The following KCND2 variants were observed in gnomAD, a reference collection of about 807,000 sequenced individuals.
The protein encoded by KCND2 is A-type voltage-gated potassium channel KCND2.
KCND2 carries 16 observed loss-of-function variants against 54.4 expected under a neutral mutation model. The observed-to-expected ratio is 0.29, with a 90% CI of 0.20 to 0.45. KCND2 has a LOEUF of 0.45. KCND2 is among the 20% of genes least tolerant of loss of function. The pLI, the probability that KCND2 is intolerant of heterozygous loss-of-function variation, is 1.00. For missense variants in KCND2, 486 were observed against 824.2 expected (o/e 0.59, Z 5.02); for synonymous variants, 317 against 310.7 (o/e 1.02, Z -0.21).
chr7:120,585,211 ATAT>A (rs1174663965), intron 1 of KCND2, among the ~76,000 whole-genome samples: 1 of 152,074 alleles, frequency 6.6e-6, no homozygotes, highest in Non-Finnish European at 1.5e-5. Context: ...CTCCTGGGAA[ATAT>A]TATATCACAA....
At chr7:120,526,041 C>T (rs377530159) in intron 1 of KCND2, among the ~76,000 whole-genome samples, 13 of 152,096 alleles carry the variant, frequency 8.5e-5, no homozygotes, top group Admixed American at 6.6e-5. Flanking sequence ...TTTCCACACT[C>T]GCCAAAACTT....
intron 1 of KCND2, among the ~76,000 whole-genome samples, chr7:120,727,085 T>A (rs541825829): frequency 1.8e-4 from 27 of 152,302 alleles, no homozygotes; most frequent in African/African-American, 6.3e-4. Flanking sequence ...ATTTGCCTCA[T>A]ATAACATTTG....
chr7:120,561,598 A>ATTTTTT (rs57015988), intron 1 of KCND2, among the ~76,000 whole-genome samples: 2 of 47,334 alleles, frequency 4.2e-5, no homozygotes, highest in Admixed American at 3.2e-4. Flanking sequence ...AAGCTACCTG[A>ATTTTTT]TTTTTTTTTT....
Position 120,426,683 on chromosome 7 carries a change from G to A in KCND2, c.1115+150936G>A, listed in dbSNP as rs923736536. ...GTCGCCCAGGCTGGAGTGCAGTGGCGCAATCTCAGCTCACTGCAAGCTCCG... is the reference window on the plus strand; with the variant it reads ...GTCGCCCAGGCTGGAGTGCAGTGGCACAATCTCAGCTCACTGCAAGCTCCG... On this transcript the variant is annotated intron_variant, in intron 1 of 5. Transcript: ENST00000331113. Among the ~76,000 whole-genome samples, 3 of 137,388 alleles carry A rather than the reference G, an allele frequency of 2.2e-5. No homozygotes were observed. In the Admixed American group the frequency reaches 2.3e-4, roughly 11 times the overall value. 90.1% of individuals were successfully genotyped at this position (137,388 alleles called of 152,430 possible). A position where few individuals can be genotyped will look rare whatever the true frequency, so the allele number is the denominator to read the frequency against.
intron 1 of KCND2, among the ~76,000 whole-genome samples, chr7:120,411,348 C>T (rs1173950574): frequency 6.6e-6 from 1 of 151,388 alleles, no homozygotes; most frequent in Non-Finnish European, 1.5e-5. Flanking sequence ...ACTAGTTCAA[C>T]CTATTCTTTT....
chr7:120,614,098 C>T (rs562407348), intron 1 of KCND2, among the ~76,000 whole-genome samples: 4 of 151,920 alleles, frequency 2.6e-5, no homozygotes, highest in African/African-American at 7.2e-5. Flanking sequence ...CTGCAACCTC[C>T]GCCTCCTGGG....
rs186978969 is a variant in KCND2 at position 120,681,422 on chromosome 7, A to G, written c.1116-51481A>G. Reference sequence around the variant, plus strand: ...TGACGGGAAGCAGCAGGATAATCACATTCCAACTAAACACATGTGCTCTGT... The same window carrying G: ...TGACGGGAAGCAGCAGGATAATCACGTTCCAACTAAACACATGTGCTCTGT... On this transcript the variant is annotated intron_variant, in intron 1 of 5. Coordinates refer to ENST00000331113, the MANE Select transcript of KCND2 (RefSeq NM_012281.3). Among the ~76,000 whole-genome samples the G allele has an allele frequency of 8.9e-4, 136 of 152,172 alleles. 1 individual carries two copies. Among genetic ancestry groups the G allele is most frequent in the Non-Finnish European group, 4.3e-4 (29 of 67,968 alleles).
intron 1 of KCND2, among the ~76,000 whole-genome samples, chr7:120,642,315 C>G (rs1793386520): frequency 6.6e-6 from 1 of 150,520 alleles, no homozygotes; most frequent in South Asian, 2.1e-4. Flanking sequence ...TTTGGGAGGC[C>G]AAGGTGGGTG....
At chr7:120,507,509 A>G (rs1214062831) in intron 1 of KCND2, among the ~76,000 whole-genome samples, 2 of 151,934 alleles carry the variant, frequency 1.3e-5, no homozygotes, top group Non-Finnish European at 2.9e-5. Flanking sequence ...GAAGTCTTGA[A>G]TGTGCAATTT....
intron 1 of KCND2, among the ~76,000 whole-genome samples, chr7:120,276,086 C>G (rs983052954): frequency 6.6e-6 from 1 of 151,896 alleles, no homozygotes; most frequent in Non-Finnish European, 1.5e-5. Flanking sequence ...AATAAAGACA[C>G]AAATATATAC....
chr7:120,353,230 T>C (rs1391640832), intron 1 of KCND2, among the ~76,000 whole-genome samples: 1 of 150,636 alleles, frequency 6.6e-6, no homozygotes, highest in East Asian at 2.0e-4. Context: ...AAGTGGGAAT[T>C]GAGACCCTGG....
chr7:120,654,784 A>T (rs531386884), intron 1 of KCND2, among the ~76,000 whole-genome samples: 119 of 152,274 alleles, frequency 7.8e-4, no homozygotes, highest in African/African-American at 2.8e-3. Context: ...TCATTAGTGG[A>T]TGGAGATATA....
At chr7:120,403,204 G>T (rs67436527) in intron 1 of KCND2, among the ~76,000 whole-genome samples, 9,962 of 152,136 alleles carry the variant, frequency 0.065, 1,084 homozygotes, top group East Asian at 0.53. Flanking sequence ...GAGAGAATTT[G>T]TGACTGAGAG....
chr7:120,375,425 C>T (rs765177004), intron 1 of KCND2, among the ~76,000 whole-genome samples: 1 of 151,732 alleles, frequency 6.6e-6, no homozygotes, highest in South Asian at 2.1e-4. Flanking sequence ...TTATTACATA[C>T]CATACAGAAT....
intron 1 of KCND2, among the ~76,000 whole-genome samples, chr7:120,508,932 G>A (rs1262273539): frequency 6.9e-6 from 1 of 144,054 alleles, no homozygotes; most frequent in African/African-American, 2.9e-5. Context: ...GAAAGGAGTG[G>A]TGAACAGACT....
intron 1 of KCND2, among the ~76,000 whole-genome samples, chr7:120,692,151 TGAG>T (rs371401204): frequency 1.3e-5 from 2 of 152,048 alleles, no homozygotes; most frequent in African/African-American, 2.4e-5. Flanking sequence ...GGGAGACAAA[TGAG>T]GAGGTAGCTG....
intron 1 of KCND2, among the ~76,000 whole-genome samples, chr7:120,309,321 A>G (rs1584723141): frequency 6.6e-6 from 1 of 152,078 alleles, no homozygotes; most frequent in East Asian, 1.9e-4. Context: ...GACGCACCAT[A>G]CTGAAAATAA....
Position 120,690,841 on chromosome 7 carries a change from A to G in KCND2, c.1116-42062A>G, listed in dbSNP as rs528181062. ...GGGAGGTGGGAGGGAGGACAGATGT[A>G]TGCAAAATAAAAAAGTAAAATGCAT... On this transcript the variant is annotated intron_variant, in intron 1 of 5. Transcript: ENST00000331113. 1.4e-4 allele frequency among the ~76,000 whole-genome samples: 21 copies of G among 152,296 alleles called. No homozygotes were observed. The South Asian group carries it at 3.9e-3, about 29-fold the overall frequency.
intron 1 of KCND2, among the ~76,000 whole-genome samples, chr7:120,484,363 C>G (rs944848439): frequency 6.6e-6 from 1 of 152,022 alleles, no homozygotes; most frequent in African/African-American, 2.4e-5. Context: ...CTGTGCTGCT[C>G]AGGCTGGTCC....
Sources: gnomAD v4.1 joint callset for allele counts (sites outside exome capture counted in the v4.1 genomes callset) on GRCh38, gnomAD v4.1.1 for gene constraint, MANE v1.5 for transcripts, NCBI Gene and HGNC (gene_info 2026-07-23, HGNC 2026-07-21) for gene names.